The following PTPRC variants were observed in gnomAD, a reference collection of about 807,000 sequenced individuals.
PTPRC encodes receptor-type tyrosine-protein phosphatase C.
Under a neutral mutation model 155.9 loss-of-function variants are expected in PTPRC, and 44 were observed. The observed-to-expected ratio is 0.28, with a 90% CI of 0.22 to 0.36. The LOEUF (loss-of-function observed/expected upper bound fraction) is 0.36, where lower values mean the gene tolerates loss of function less well. PTPRC is among the 10% of genes least tolerant of loss of function. PTPRC has a pLI of 1.00. For synonymous variants in PTPRC, 525 were observed against 533.1 expected, an observed-to-expected ratio of 0.98 and a Z score of 0.21; for missense variants, 1,401 against 1,564.6, an observed-to-expected ratio of 0.90 and a Z score of 1.76.
At chr1:198,718,440 C>A in intron 14 of PTPRC, 138 bp downstream of exon 14, 1 of 778,494 alleles carries the variant, frequency 1.3e-6, no homozygotes, top group Non-Finnish European at 2.1e-6. Context: ...CTTAAAGAGT[C>A]TCAAATATTT....
chr1:198,651,292 T>TTGTGTGTGTGTG (rs67899145), intron 2 of PTPRC, among the ~76,000 whole-genome samples: 4,301 of 147,838 alleles, frequency 0.029, 102 homozygotes, highest in East Asian at 0.075. Context: ...CAGATTGGGA[T>TTGTGTGTGTGTG]TGTGTGTGTG....
chr1:198,687,468 A>C (rs990295135), intron 2 of PTPRC, among the ~76,000 whole-genome samples: 1 of 152,140 alleles, frequency 6.6e-6, no homozygotes, highest in African/African-American at 2.4e-5. Flanking sequence ...ATTATTGCAG[A>C]TATTTGGTTT....
chr1:198,655,587 T>G (rs1342413773), intron 2 of PTPRC, among the ~76,000 whole-genome samples: 1 of 149,542 alleles, frequency 6.7e-6, no homozygotes, highest in African/African-American at 2.5e-5. Context: ...GATTCTGGTA[T>G]GTGGTATTCA....
Position 198,699,711 on chromosome 1 carries a change from G to A in PTPRC, c.439+7G>A. 3.1e-6 allele frequency: 5 copies of A among 1,614,056 alleles called. No homozygotes were observed. Among genetic ancestry groups the A allele is most frequent in the Non-Finnish European group, 4.2e-6 (5 of 1,179,986 alleles). ...GGCAGCAATGCTATCTCAGGTTTGCGGGTCCTTTAGACTTGTGCAAATATG... is the reference window on the plus strand; with the variant it reads ...GGCAGCAATGCTATCTCAGGTTTGCAGGTCCTTTAGACTTGTGCAAATATG... On this transcript the variant is annotated splice_region_variant and intron_variant, in intron 5 of 32. Transcript: ENST00000442510.
intron 2 of PTPRC, among the ~76,000 whole-genome samples, chr1:198,669,636 T>C (rs1482255763): frequency 6.6e-6 from 1 of 152,134 alleles, no homozygotes; most frequent in African/African-American, 2.4e-5. Context: ...CCATTCCTAC[T>C]AGAAGTAGAG....
At chr1:198,740,257 A>G (rs539270575) in intron 23 of PTPRC, among the ~76,000 whole-genome samples, 106 of 152,012 alleles carry the variant, frequency 7.0e-4, no homozygotes, top group African/African-American at 2.1e-3. Context: ...CAAAGCATCA[A>G]TGAAATAAAA....
rs550333917 is a variant in PTPRC at position 198,756,905 on chromosome 1, C to T, written c.*724C>T. The stretch of plus-strand genomic sequence containing the variant: ...CATGGGGTTTTCAATTTTGCATGCT[C>T]GATTATTCCCTGTACAATATTTAAA... On this transcript the variant is annotated 3_prime_UTR_variant, in exon 33 of 33. Transcript: ENST00000442510. 4.6e-5 allele frequency: 7 copies of T among 151,818 alleles called. No homozygotes were observed. Among genetic ancestry groups the T allele is most frequent in the Admixed American group, 2.0e-4 (3 of 15,222 alleles). The allele number at this position is 151,818 out of a possible 1,614,324, so 9.4% of individuals were successfully genotyped here.
rs747550206 is a variant in PTPRC at position 198,735,205 on chromosome 1, C to T, written c.2356C>T (p.His786Tyr). The T allele has an allele frequency of 1.9e-6, 3 of 1,604,162 alleles. No homozygotes were observed. Among genetic ancestry groups the T allele is most frequent in the African/African-American group, 1.3e-5 (1 of 74,728 alleles). The change falls in exon 23 of 33, where the codon CAC becomes TAC. Residue 786 changes from histidine to tyrosine, a missense_variant. Physicochemically the swap from His to Tyr is moderately conservative, Grantham distance 83. Around this residue, in one of 3 missense-constraint regions of PTPRC, gnomAD observed 867 missense variants for 970.4 expected, o/e 0.89. Coordinates refer to ENST00000442510, the MANE Select transcript of PTPRC (RefSeq NM_002838.5). Reference protein sequence around the residue: ...FGDVVVKINQHKRCPDYIIQK... With the variant: ...FGDVVVKINQYKRCPDYIIQK... ...AGATGTTGTTGTAAAGATCAACCAG[C>T]ACAAAAGATGTCCAGATTACATCAT...
intron 10 of PTPRC, among the ~76,000 whole-genome samples, chr1:198,709,017 G>A (rs1471872571): frequency 1.3e-5 from 2 of 152,176 alleles, no homozygotes; most frequent in Non-Finnish European, 2.9e-5. Context: ...TGGCCATCAG[G>A]CAAGCAGACA....
intron 3 of PTPRC, among the ~76,000 whole-genome samples, chr1:198,696,049 A>G (rs1416453266): frequency 6.6e-6 from 1 of 151,982 alleles, no homozygotes; most frequent in East Asian, 1.9e-4. Flanking sequence ...AATCCCAGCT[A>G]CTTGGGTGGC....
rs567575031 is a variant in PTPRC at position 198,747,425 on chromosome 1, G to A, written c.2848-684G>A. On this transcript the variant is annotated intron_variant, in intron 26 of 32. Coordinates refer to ENST00000442510, the MANE Select transcript of PTPRC (RefSeq NM_002838.5). ...TTTTTATGCTATTTTGAGGAGGTTT[G>A]TTGTCCTCTTATAGTGATGGAAAGC... 5.4e-4 allele frequency among the ~76,000 whole-genome samples: 82 copies of A among 151,856 alleles called. 1 individual carries two copies. Among genetic ancestry groups the A allele is most frequent in the African/African-American group, 1.9e-3 (79 of 41,498 alleles).
At chr1:198,735,952 A>G (rs11589894) in intron 23 of PTPRC, among the ~76,000 whole-genome samples, 57,018 of 151,408 alleles carry the variant, frequency 0.38, 11,961 homozygotes, top group Non-Finnish European at 0.49. Context: ...TATTTAGTGA[A>G]TGTAATATGA....
intron 11 of PTPRC, chr1:198,712,706 G>T (rs1320439838): frequency 1.2e-5 from 6 of 491,474 alleles, no homozygotes; most frequent in South Asian, 4.9e-5. Context: ...AGGAAGAGGG[G>T]GTTCTTAGAT....
At chr1:198,643,392 A>G (rs1219105613) in intron 2 of PTPRC, among the ~76,000 whole-genome samples, 1 of 151,944 alleles carries the variant, frequency 6.6e-6, no homozygotes, top group African/African-American at 2.4e-5. Context: ...GAAAATTTTC[A>G]AAGAGGGAAG....
intron 2 of PTPRC, among the ~76,000 whole-genome samples, chr1:198,653,669 G>A (rs941293598): frequency 1.3e-5 from 2 of 151,774 alleles, no homozygotes; most frequent in Admixed American, 6.6e-5. Flanking sequence ...TTTTGTCAGT[G>A]TCTGGAAGAA....
intron 23 of PTPRC, among the ~76,000 whole-genome samples, chr1:198,740,752 T>A (rs1005347008): frequency 3.3e-5 from 5 of 151,828 alleles, no homozygotes; most frequent in Admixed American, 1.3e-4. Flanking sequence ...ATTGGAAAAC[T>A]TAGAAGAAAT....
intron 2 of PTPRC, among the ~76,000 whole-genome samples, chr1:198,677,415 C>A (rs1304837603): frequency 6.6e-6 from 1 of 151,980 alleles, no homozygotes; most frequent in African/African-American, 2.4e-5. Context: ...GGAAGAACAA[C>A]TTTTACTTTC....
At chr1:198,660,045 ATATATATATATATATATATATATG>A (rs1663865303) in intron 2 of PTPRC, among the ~76,000 whole-genome samples, 1 of 53,894 alleles carries the variant, frequency 1.9e-5, no homozygotes, top group African/African-American at 7.3e-5. Context: ...ATATATATAT[ATATATATATATATATATATATATG>A]ATCTTTTTTT....
Position 198,734,406 on chromosome 1 carries a change from G to T in PTPRC, c.2258G>T (p.Arg753Leu). ...QKATVIVMVT[R>L]CEEGNRNKCA... is the part of the protein sequence containing the mutation. ...GCCACAGTTATTGTCATGGTCACTC[G>T]ATGTGAAGAAGGAAACAGGGTAAGA... The change falls in exon 22 of 33, where the codon CGA becomes CTA. Residue 753 changes from arginine (R) to leucine (L), a missense_variant. Coordinates refer to ENST00000442510, the MANE Select transcript of PTPRC (RefSeq NM_002838.5). The T allele has an allele frequency of 6.2e-7, 1 of 1,610,874 alleles. No homozygotes were observed. Among genetic ancestry groups the T allele is most frequent in the Non-Finnish European group, 8.5e-7 (1 of 1,177,724 alleles).
Sources: allele counts gnomAD v4.1 joint callset (sites outside exome capture counted in the v4.1 genomes callset), GRCh38; gene constraint gnomAD v4.1.1; regional missense constraint gnomAD v4.1.1; transcripts MANE v1.5; gene names NCBI Gene and HGNC (gene_info 2026-07-23, HGNC 2026-07-21).